Variants in PRKCA observed in about 807,000 individuals in gnomAD.
The protein encoded by PRKCA is protein kinase C alpha type.
PRKCA carries 27 observed loss-of-function variants against 87.0 expected under a neutral mutation model. The ratio of observed to expected loss-of-function variants is 0.31; its 90% CI spans 0.23 to 0.43. The LOEUF (loss-of-function observed/expected upper bound fraction) is 0.43, where lower values mean the gene tolerates loss of function less well. Among genes scored for constraint, PRKCA ranks in the 20% least tolerant of loss-of-function variants. The pLI, the probability that PRKCA is intolerant of heterozygous loss-of-function variation, is 1.00. For missense variants in PRKCA, 518 were observed against 852.3 expected (o/e 0.61, Z 4.88); for synonymous variants, 329 against 311.1 (o/e 1.06, Z -0.61).
At chr17:66,794,364 C>G (rs1267759303) in intron 16 of PRKCA, among the ~76,000 whole-genome samples, 3 of 152,124 alleles carry the variant, frequency 2.0e-5, no homozygotes, top group African/African-American at 7.2e-5. Flanking sequence ...TTCCTTTTCC[C>G]AGTCACCACA....
chr17:66,363,314 T>C (rs1370401677), intron 2 of PRKCA, among the ~76,000 whole-genome samples: 2 of 152,238 alleles, frequency 1.3e-5, no homozygotes, highest in Non-Finnish European at 2.9e-5. Context: ...TTACACAGGG[T>C]AATCTTCTCC....
chr17:66,406,110 G>T (rs1911356085), intron 2 of PRKCA, among the ~76,000 whole-genome samples: 1 of 152,130 alleles, frequency 6.6e-6, no homozygotes, highest in Non-Finnish European at 1.5e-5. Context: ...TAGAATGATT[G>T]CCAGTTTCCA....
chr17:66,793,133 G>T (rs563322191), intron 16 of PRKCA, among the ~76,000 whole-genome samples: 24 of 152,334 alleles, frequency 1.6e-4, no homozygotes, highest in African/African-American at 5.5e-4. Context: ...AAACGAGCTG[G>T]TTTCGGGGAT....
At chr17:66,655,578 A>C (rs1417773741) in intron 5 of PRKCA, among the ~76,000 whole-genome samples, 4 of 152,130 alleles carry the variant, frequency 2.6e-5, no homozygotes, top group African/African-American at 9.7e-5. Flanking sequence ...ATGAGATTTC[A>C]CCTGTGTGTT....
In PRKCA at chr17:66,641,408, C is replaced by T; in HGVS notation, c.342C>T (p.Phe114=). The T allele has an allele frequency of 6.2e-7, 1 of 1,612,840 alleles. No homozygotes were observed. The highest frequency in any genetic ancestry group is 8.5e-7 in the Non-Finnish European group (1 of 1,179,266). The change falls in exon 4 of 17, where the codon TTC becomes TTT. Residue 114 remains phenylalanine, a synonymous_variant. Transcript: ENST00000413366. Reference sequence around the variant, plus strand: ...TCCACACTTACGGAAGCCCCACCTTCTGCGATCACTGTGGGTCACTGCTCT... The same window carrying T: ...TCCACACTTACGGAAGCCCCACCTTTTGCGATCACTGTGGGTCACTGCTCT... ...FKIHTYGSPT[F]CDHCGSLLYG... is the part of the protein sequence containing the mutation.
At chr17:66,414,804 G>A (rs1297843328) in intron 2 of PRKCA, among the ~76,000 whole-genome samples, 3 of 152,110 alleles carry the variant, frequency 2.0e-5, no homozygotes, top group Non-Finnish European at 2.9e-5. Flanking sequence ...ATATCTTGTG[G>A]TCTTCCTGCA....
chr17:66,634,602 A>G (rs922872260), intron 3 of PRKCA, among the ~76,000 whole-genome samples: 2 of 152,248 alleles, frequency 1.3e-5, no homozygotes, highest in African/African-American at 2.4e-5. Flanking sequence ...CACAGTGATA[A>G]AAGTGTGCTT....
At chr17:66,779,573 T>C (rs1975154098) in intron 14 of PRKCA, among the ~76,000 whole-genome samples, 1 of 152,134 alleles carries the variant, frequency 6.6e-6, no homozygotes, top group Non-Finnish European at 1.5e-5. Context: ...CAGCCCAGGT[T>C]TCCGTGATTT....
At chr17:66,660,373 A>T (rs4790907) in intron 5 of PRKCA, among the ~76,000 whole-genome samples, 149,310 of 152,302 alleles carry the variant, frequency 0.98, 73,194 homozygotes, top group Middle Eastern at 1. Context: ...TAACTTACTG[A>T]TACCTTCTTC....
intron 2 of PRKCA, among the ~76,000 whole-genome samples, chr17:66,479,762 C>T (rs1310069623): frequency 2.0e-5 from 3 of 152,074 alleles, no homozygotes; most frequent in Non-Finnish European, 4.4e-5. Flanking sequence ...GAACAGAAAA[C>T]CAAATACTGC....
rs142310742 is a variant in PRKCA at position 66,631,045 on chromosome 17, C to T, written c.289-10310C>T. ...ATTTCCAAGCAGGAGATATATGAGC[C>T]GTTGAGTACTCTGCCATTTCTTTTT... On this transcript the variant is annotated intron_variant, in intron 3 of 16. Coordinates refer to ENST00000413366, the MANE Select transcript of PRKCA (RefSeq NM_002737.3). Among the ~76,000 whole-genome samples the T allele has an allele frequency of 1.1e-3, 165 of 152,170 alleles. 2 individuals carry two copies. The highest frequency in any genetic ancestry group is 9.1e-3 in the Admixed American group (139 of 15,276).
At position 66,368,386 on chromosome 17, in the gene PRKCA, A is replaced by ATTTTT. The variant is rs1180540465; in HGVS notation, c.205+62280_205+62284dup. Among the ~76,000 whole-genome samples the ATTTTT allele has an allele frequency of 8.6e-4, 22 of 25,466 alleles. 1 individual carries two copies. Among genetic ancestry groups the ATTTTT allele is most frequent in the African/African-American group, 2.4e-3 (20 of 8,376 alleles). The allele number at this position is 25,466 out of a possible 152,430, so 16.7% of individuals were successfully genotyped here. On this transcript the variant is annotated intron_variant, in intron 2 of 16. Coordinates refer to ENST00000413366, the MANE Select transcript of PRKCA (RefSeq NM_002737.3). ...TATGTATATATATATATATATATAT[A>ATTTTT]TTTTTTTTTTTTTTTTTTTTTTTTT...
At chr17:66,554,346 A>G (rs1446711276) in intron 3 of PRKCA, among the ~76,000 whole-genome samples, 1 of 152,222 alleles carries the variant, frequency 6.6e-6, no homozygotes, top group African/African-American at 2.4e-5. Context: ...CATGGAGCCC[A>G]GGCTGTGTGT....
At chr17:66,669,354 C>T (rs1429841495) in intron 5 of PRKCA, among the ~76,000 whole-genome samples, 1 of 151,910 alleles carries the variant, frequency 6.6e-6, no homozygotes, top group African/African-American at 2.4e-5. Flanking sequence ...CAGCGCTGTG[C>T]AAGAATCCTG....
intron 5 of PRKCA, among the ~76,000 whole-genome samples, chr17:66,669,341 A>G (rs776892044): frequency 2.0e-5 from 3 of 152,296 alleles, no homozygotes; most frequent in Middle Eastern, 3.4e-3. Context: ...CAGAAAATCA[A>G]ATCAGCGCTG....
intron 14 of PRKCA, among the ~76,000 whole-genome samples, chr17:66,782,120 G>C (rs971749778): frequency 6.6e-6 from 1 of 151,884 alleles, no homozygotes; most frequent in African/African-American, 2.4e-5. Context: ...CACCATGTTG[G>C]CCAGGCTGGT....
At chr17:66,316,150 G>A (rs1273049284) in intron 2 of PRKCA, among the ~76,000 whole-genome samples, 1 of 152,126 alleles carries the variant, frequency 6.6e-6, no homozygotes, top group Non-Finnish European at 1.5e-5. Flanking sequence ...AGTGACTCAC[G>A]TTCCAGGAGT....
intron 2 of PRKCA, among the ~76,000 whole-genome samples, chr17:66,441,767 A>G (rs532949379): frequency 1.3e-4 from 20 of 152,096 alleles, no homozygotes; most frequent in Non-Finnish European, 2.8e-4. Flanking sequence ...GACAAGGAAC[A>G]TTTAATTTAC....
chr17:66,360,490 T>A (rs923944848), intron 2 of PRKCA, among the ~76,000 whole-genome samples: 3 of 152,194 alleles, frequency 2.0e-5, no homozygotes, highest in African/African-American at 7.2e-5. Context: ...CCTCTATTCC[T>A]TGGCCCTGCC....
Sources: allele counts gnomAD v4.1 joint callset (sites outside exome capture counted in the v4.1 genomes callset), GRCh38; gene constraint gnomAD v4.1.1; transcripts MANE v1.5; gene names NCBI Gene and HGNC (gene_info 2026-07-23, HGNC 2026-07-21).